Variants in STK24 observed in about 807,000 individuals in gnomAD.
STK24 encodes the protein serine/threonine kinase 24.
Under a neutral mutation model 55.6 loss-of-function variants are expected in STK24, and 21 were observed. The observed-to-expected ratio is 0.38, with a 90% CI of 0.27 to 0.54. The LOEUF (loss-of-function observed/expected upper bound fraction) is 0.54, where lower values mean the gene tolerates loss of function less well. Among genes scored for constraint, STK24 ranks in the 20% least tolerant of loss-of-function variants. The probability of loss-of-function intolerance (pLI) is 0.79; values close to 1 mark genes in which losing one functional copy is unlikely to be tolerated. For synonymous variants in STK24, 200 were observed against 215.2 expected (o/e 0.93, Z 0.62); for missense variants, 383 against 538.4 (o/e 0.71, Z 2.86).
chr13:98,576,358 C>A, intron 1 of STK24: 1 of 366,018 alleles, frequency 2.7e-6, no homozygotes, highest in Non-Finnish European at 3.8e-6. Flanking sequence ...ACCCGGCCAC[C>A]ACGCAGGGCC....
intron 2 of STK24, among the ~76,000 whole-genome samples, chr13:98,482,891 A>C (rs1406692047): frequency 6.6e-6 from 1 of 152,146 alleles, no homozygotes; most frequent in Non-Finnish European, 1.5e-5. Context: ...AGCACCTCCC[A>C]AAGCTGCCAC....
At chr13:98,521,550 C>G (rs1366149268) in intron 1 of STK24, among the ~76,000 whole-genome samples, 3 of 152,154 alleles carry the variant, frequency 2.0e-5, no homozygotes, top group African/African-American at 7.2e-5. Flanking sequence ...CTGAGTATCA[C>G]CAGTCACTTT....
chr13:98,488,869 G>A (rs1894908471), intron 2 of STK24, among the ~76,000 whole-genome samples: 1 of 152,194 alleles, frequency 6.6e-6, no homozygotes, highest in Admixed American at 6.5e-5. Flanking sequence ...TTTAAAACAG[G>A]AATTCGAAAC....
At chr13:98,536,856 G>A (rs1360586074) in intron 1 of STK24, among the ~76,000 whole-genome samples, 1 of 105,788 alleles carries the variant, frequency 9.5e-6, no homozygotes, top group Non-Finnish European at 2.1e-5. Flanking sequence ...CTGTCCGGCT[G>A]CCACACTCCT....
chr13:98,519,097 G>T, intron 2 of STK24, 146 bp downstream of exon 2: 2 of 639,296 alleles, frequency 3.1e-6, no homozygotes, highest in East Asian at 2.7e-5. Context: ...AACTATCAAA[G>T]CCAGGTTCTT....
chr13:98,572,697 G>C (rs1897774334), intron 1 of STK24, among the ~76,000 whole-genome samples: 3 of 147,382 alleles, frequency 2.0e-5, no homozygotes, highest in South Asian at 2.1e-4. Context: ...AGGGGAACGA[G>C]GGGGACAGGA....
At chr13:98,476,243 C>CCG (rs1555303361) in intron 3 of STK24, among the ~76,000 whole-genome samples, 1 of 140,776 alleles carries the variant, frequency 7.1e-6, no homozygotes, top group African/African-American at 2.6e-5. Flanking sequence ...ACGGGAAGCC[C>CCG]CCCCCCGCCC....
intron 1 of STK24, among the ~76,000 whole-genome samples, chr13:98,571,131 C>T (rs929328039): frequency 6.6e-6 from 1 of 152,184 alleles, no homozygotes; most frequent in African/African-American, 2.4e-5. Flanking sequence ...CCATCGGACG[C>T]CTGGACTGCG....
intron 1 of STK24, among the ~76,000 whole-genome samples, chr13:98,532,446 C>T (rs1367455126): frequency 1.3e-5 from 2 of 151,140 alleles, no homozygotes; most frequent in African/African-American, 4.9e-5. Context: ...ATCCCACACA[C>T]ATCCCATCCC....
In STK24 at chr13:98,449,032, A is replaced by G. The variant is rs1893050153; in HGVS notation, c.*4141T>C. 1 of 152,280 alleles carries G rather than the reference A, an allele frequency of 6.6e-6. No homozygotes were observed. Among genetic ancestry groups the G allele is most frequent in the Non-Finnish European group, 1.5e-5 (1 of 68,072 alleles). 9.4% of individuals were successfully genotyped at this position (152,280 alleles called of 1,614,324 possible). ...TTTCTGTTAAGCAAAGCCGAGATCC[A>G]GTGCAATACCTGGACTGTCACCGTC... On this transcript the variant is annotated 3_prime_UTR_variant, in exon 11 of 11. Transcript: ENST00000539966.
chr13:98,457,066 A>G, intron 10 of STK24, 102 bp downstream of exon 10: 1 of 1,406,178 alleles, frequency 7.1e-7, no homozygotes, highest in South Asian at 1.4e-5. Flanking sequence ...GCAAGATAAC[A>G]GGAACAGACA....
rs1190333062 is a variant in STK24, at chr13:98,448,038, G to C, written c.*5135C>G. On this transcript the variant is annotated 3_prime_UTR_variant, in exon 11 of 11. Transcript: ENST00000539966. Reference sequence around the variant, plus strand: ...CAAGGTACTTCCAGCTCCACACTGAGTGAGTGCCCAGGCCAGTGGGTCTCC... The same window carrying C: ...CAAGGTACTTCCAGCTCCACACTGACTGAGTGCCCAGGCCAGTGGGTCTCC... The C allele has an allele frequency of 2.5e-5, 15 of 602,184 alleles. No individual in the cohort carries two copies. Among genetic ancestry groups the C allele is most frequent in the Non-Finnish European group, 3.9e-5 (13 of 334,568 alleles). The allele number at this position is 602,184 out of a possible 1,614,324, so 37.3% of individuals were successfully genotyped here.
intron 1 of STK24, among the ~76,000 whole-genome samples, chr13:98,550,529 C>T (rs1048858069): frequency 2.0e-5 from 3 of 152,142 alleles, no homozygotes; most frequent in Non-Finnish European, 4.4e-5. Context: ...ACCCTCTCTC[C>T]AAAAACAACA....
intron 2 of STK24, among the ~76,000 whole-genome samples, chr13:98,493,245 T>C (rs1895111654): frequency 1.3e-5 from 2 of 152,228 alleles, no homozygotes; most frequent in African/African-American, 4.8e-5. Flanking sequence ...TGTGCTCGCG[T>C]CCAATATGTA....
chr13:98,469,156 G>A (rs1053554781), intron 5 of STK24, among the ~76,000 whole-genome samples: 5 of 152,206 alleles, frequency 3.3e-5, no homozygotes, highest in African/African-American at 1.2e-4. Flanking sequence ...GTGCACCACG[G>A]GAAGTTCACT....
Position 98,453,472 on chromosome 13 carries a change from G to A in STK24, c.1260-263C>T, listed in dbSNP as rs910947734. 9.7e-5 allele frequency: 45 copies of A among 461,768 alleles called. 1 individual carries two copies. In the East Asian group the frequency reaches 1.5e-3, roughly 16 times the overall value. The allele number at this position is 461,768 out of a possible 1,614,324, so 28.6% of individuals were successfully genotyped here. A position where few individuals can be genotyped will look rare whatever the true frequency, so the allele number is the denominator to read the frequency against. ...CTCCCTGGAGAGATGTGAATAAAAC[G>A]GGAAATCATATCCCTTTTACTTACG... On this transcript the variant is annotated intron_variant, in intron 10 of 10. Coordinates refer to ENST00000539966, the MANE Select transcript of STK24 (RefSeq NM_001032296.4).
rs139454412 is a variant in STK24 at position 98,482,411 on chromosome 13, T to C, written c.274-90A>G. On this transcript the variant is annotated intron_variant, in intron 2 of 10. Coordinates refer to ENST00000539966, the MANE Select transcript of STK24 (RefSeq NM_001032296.4). ...TCAAAGGGTATTTTTCACAATTATA[T>C]TGGAACTAGAAAGTTTTACAAACAT... 269 of 707,428 alleles carry C rather than the reference T, an allele frequency of 3.8e-4. No homozygotes were observed. The African/African-American group carries it at 4.6e-3, about 12-fold the overall frequency. 43.8% of individuals were successfully genotyped at this position (707,428 alleles called of 1,614,324 possible).
At chr13:98,501,702 A>C (rs1895470400) in intron 2 of STK24, among the ~76,000 whole-genome samples, 2 of 152,164 alleles carry the variant, frequency 1.3e-5, no homozygotes, top group South Asian at 4.2e-4. Context: ...AAAAACAATA[A>C]AAAATTTTAC....
At chr13:98,575,520 G>C (rs561745733) in intron 1 of STK24, among the ~76,000 whole-genome samples, 2 of 152,084 alleles carry the variant, frequency 1.3e-5, no homozygotes, top group African/African-American at 4.8e-5. Context: ...AACCTGAACA[G>C]TGAAATCCAG....
Sources: gnomAD v4.1 joint callset for allele counts (sites outside exome capture counted in the v4.1 genomes callset) on GRCh38, gnomAD v4.1.1 for gene constraint, MANE v1.5 for transcripts, NCBI Gene and HGNC (gene_info 2026-07-23, HGNC 2026-07-21) for gene names.